TANC1: variants seen among roughly 807,000 people sequenced by gnomAD.
TANC1 encodes tetratricopeptide repeat, ankyrin repeat and coiled-coil containing 1.
Under a neutral mutation model 149.7 loss-of-function variants are expected in TANC1, and 77 were observed. The ratio of observed to expected loss-of-function variants is 0.51; its 90% confidence interval spans 0.43 to 0.62. TANC1 has a LOEUF of 0.62. TANC1 is among the 20% of genes least tolerant of loss of function. TANC1 has a pLI of 0.00. For missense variants in TANC1, 1,985 were observed against 2,321.8 expected (o/e 0.85, Z 2.98); for synonymous variants, 854 against 925.0 (o/e 0.92, Z 1.39).
At chr2:159,209,402 A>G (rs922224748) in intron 19 of TANC1, among the ~76,000 whole-genome samples, 3 of 152,222 alleles carry the variant, frequency 2.0e-5, no homozygotes, top group African/African-American at 7.2e-5. Context: ...GAAATGCCTA[A>G]CAAAGAACAC....
intron 4 of TANC1, among the ~76,000 whole-genome samples, chr2:159,128,078 A>T (rs772130632): frequency 2.6e-5 from 4 of 152,222 alleles, no homozygotes; most frequent in African/African-American, 9.6e-5. Flanking sequence ...TTTCTTCACT[A>T]TCAGCAGGTG....
chr2:159,081,434 G>A (rs979343704), intron 3 of TANC1, among the ~76,000 whole-genome samples: 4 of 151,872 alleles, frequency 2.6e-5, no homozygotes, highest in Non-Finnish European at 5.9e-5. Context: ...GCTGGCTGTG[G>A]GTGTCTGTGG....
At chr2:159,045,897 AG>A (rs2149557306) in intron 2 of TANC1, among the ~76,000 whole-genome samples, 1 of 152,358 alleles carries the variant, frequency 6.6e-6, no homozygotes, top group Non-Finnish European at 1.5e-5. Context: ...GACATGGAAG[AG>A]GAATTTACTA....
At chr2:159,140,622 G>T (rs1426445974) in intron 5 of TANC1, among the ~76,000 whole-genome samples, 1 of 151,966 alleles carries the variant, frequency 6.6e-6, no homozygotes, top group Non-Finnish European at 1.5e-5. Flanking sequence ...CTGTAATAAA[G>T]GAGGAAGTAA....
intron 19 of TANC1, among the ~76,000 whole-genome samples, chr2:159,204,137 T>G (rs1372411048): frequency 1.3e-5 from 2 of 152,232 alleles, no homozygotes; most frequent in African/African-American, 4.8e-5. Context: ...AATTGGACAG[T>G]GCAGGTATAG....
At chr2:159,078,951 A>G (rs757692839) in intron 3 of TANC1, among the ~76,000 whole-genome samples, 11 of 138,168 alleles carry the variant, frequency 8.0e-5, no homozygotes, top group Admixed American at 3.0e-4. Flanking sequence ...AGTGTTGAAG[A>G]TATAGGGTTG....
intron 4 of TANC1, among the ~76,000 whole-genome samples, chr2:159,115,694 G>T (rs73002912): frequency 0.011 from 1,691 of 152,170 alleles, 27 homozygotes; most frequent in African/African-American, 0.038. Context: ...GCATGCCATT[G>T]GGAAGCTTGC....
chr2:159,229,403 C>T (rs1448899411), intron 26 of TANC1, among the ~76,000 whole-genome samples, 175 bp from the exon 27 acceptor site: 1 of 152,168 alleles, frequency 6.6e-6, no homozygotes, highest in Non-Finnish European at 1.5e-5. Context: ...GAATTCAGCA[C>T]TGCCACTTAG....
chr2:159,203,085 G>T (rs549916734), intron 19 of TANC1, among the ~76,000 whole-genome samples: 75 of 152,260 alleles, frequency 4.9e-4, no homozygotes, highest in Middle Eastern at 6.8e-3. Context: ...TCCAGCACTT[G>T]CCATTCAGGC....
intron 4 of TANC1, among the ~76,000 whole-genome samples, chr2:159,127,117 T>C (rs1306019805): frequency 6.6e-5 from 10 of 152,172 alleles, no homozygotes; most frequent in African/African-American, 7.2e-5. Context: ...GAAAGGAGCA[T>C]GGCTACAAAA....
intron 4 of TANC1, among the ~76,000 whole-genome samples, chr2:159,135,799 A>G (rs986957313): frequency 1.3e-5 from 2 of 152,268 alleles, no homozygotes; most frequent in Non-Finnish European, 2.9e-5. Context: ...TGTCCTAGTT[A>G]GAGGAAAATC....
chr2:159,095,886 G>C (rs2046073870), intron 3 of TANC1, among the ~76,000 whole-genome samples: 1 of 152,022 alleles, frequency 6.6e-6, no homozygotes, highest in Non-Finnish European at 1.5e-5. Flanking sequence ...TTGATGGTCT[G>C]GTTTGTATCC....
At chr2:159,211,317 T>A (rs1413876720) in intron 19 of TANC1, among the ~76,000 whole-genome samples, 1 of 152,274 alleles carries the variant, frequency 6.6e-6, no homozygotes, top group African/African-American at 2.4e-5. Context: ...GAAGAAATTG[T>A]GTCCAATTTG....
intron 21 of TANC1, 65 bp downstream of exon 21, chr2:159,219,426 T>G (rs1453740573): frequency 1.3e-6 from 2 of 1,594,750 alleles, no homozygotes; most frequent in Non-Finnish European, 1.7e-6. Flanking sequence ...AGCAGACCCA[T>G]TCAGTGCTTT....
chr2:159,008,241 G>A (rs2037412589), intron 2 of TANC1, among the ~76,000 whole-genome samples: 1 of 152,170 alleles, frequency 6.6e-6, no homozygotes, highest in African/African-American at 2.4e-5. Context: ...AACTGCATCT[G>A]ATACAGCTTG....
At chr2:159,032,965 G>C (rs2149486290) in intron 2 of TANC1, among the ~76,000 whole-genome samples, 1 of 152,236 alleles carries the variant, frequency 6.6e-6, no homozygotes, top group South Asian at 2.1e-4. Context: ...TTTTGTTATG[G>C]AAAGAGTGAA....
chr2:159,079,315 G>A (rs1245096917), intron 3 of TANC1, among the ~76,000 whole-genome samples: 3 of 146,136 alleles, frequency 2.1e-5, no homozygotes, highest in Non-Finnish European at 4.5e-5. Context: ...ACAGGTGTGA[G>A]CAACCTCACT....
At chr2:159,083,092 C>T (rs1271355619) in intron 3 of TANC1, among the ~76,000 whole-genome samples, 2 of 151,970 alleles carry the variant, frequency 1.3e-5, no homozygotes, top group African/African-American at 2.4e-5. Flanking sequence ...ACTACAGGCA[C>T]CCACCATATG....
chr2:159,083,119 AT>A (rs779198854), intron 3 of TANC1, among the ~76,000 whole-genome samples: 1 of 151,840 alleles, frequency 6.6e-6, no homozygotes, highest in Non-Finnish European at 1.5e-5. Flanking sequence ...TAATTTTTGT[AT>A]TTTTAGTAGG....
Sources: allele counts gnomAD v4.1 joint callset (sites outside exome capture counted in the v4.1 genomes callset), GRCh38; gene constraint gnomAD v4.1.1; transcripts MANE v1.5; gene names NCBI Gene and HGNC (gene_info 2026-07-23, HGNC 2026-07-21).